The following SLC25A25 variants were observed in gnomAD, a reference collection of about 807,000 sequenced individuals.
SLC25A25 encodes the protein solute carrier family 25 member 25, also known as mitochondrial adenyl nucleotide antiporter SLC25A25.
In SLC25A25, 32 loss-of-function variants were observed where a neutral mutation model predicts 57.7. That is an observed-to-expected ratio of 0.55 (90% CI 0.42 to 0.74). The LOEUF is 0.74. Among genes scored for constraint, SLC25A25 ranks in the 30% least tolerant of loss-of-function variants. The pLI, the probability that SLC25A25 is intolerant of heterozygous loss-of-function variation, is 0.00. For missense variants in SLC25A25, 556 were observed against 701.3 expected (o/e 0.79, Z 2.34); for synonymous variants, 306 against 291.2 (o/e 1.05, Z -0.52).
chr9:128,084,965 A>G (rs1193557837), intron 1 of SLC25A25, among the ~76,000 whole-genome samples: 5 of 152,204 alleles, frequency 3.3e-5, no homozygotes, highest in African/African-American at 7.2e-5. Flanking sequence ...CAAGAAAGCT[A>G]CATGTGAAAG....
rs978689726 is a variant in SLC25A25, at chr9:128,068,263, A to G, written c.-57A>G. ...CGCCTGGCTTGCCTCCCGCGCGGTCACCGCCGGCCCGCCGCCCCCGCTCCC... is the reference window on the plus strand; with the variant it reads ...CGCCTGGCTTGCCTCCCGCGCGGTCGCCGCCGGCCCGCCGCCCCCGCTCCC... On this transcript the variant is annotated 5_prime_UTR_variant, in exon 1 of 11. Transcript: ENST00000373069. The G allele has an allele frequency of 1.5e-5, 16 of 1,079,364 alleles. No individual in the cohort carries two copies. The highest frequency in any genetic ancestry group is 3.4e-4 in the Middle Eastern group (1 of 2,910). 66.9% of individuals were successfully genotyped at this position (1,079,364 alleles called of 1,614,324 possible).
chr9:128,074,197 G>A (rs1445781200), intron 1 of SLC25A25, among the ~76,000 whole-genome samples: 1 of 151,796 alleles, frequency 6.6e-6, no homozygotes, highest in African/African-American at 2.4e-5. Context: ...ACACCACCAC[G>A]TCAGGCTAAC....
At chr9:128,084,117 C>T (rs868457113) in intron 1 of SLC25A25, among the ~76,000 whole-genome samples, 2 of 152,132 alleles carry the variant, frequency 1.3e-5, no homozygotes, top group South Asian at 4.1e-4. Flanking sequence ...CACCAACCAA[C>T]TGAATGGACC....
At chr9:128,073,310 C>T (rs1232381424) in intron 1 of SLC25A25, among the ~76,000 whole-genome samples, 5 of 152,278 alleles carry the variant, frequency 3.3e-5, no homozygotes, top group African/African-American at 1.2e-4. Context: ...ACATATTTTG[C>T]TCCCAAAGTA....
chr9:128,071,748 G>C (rs369059172), intron 1 of SLC25A25, among the ~76,000 whole-genome samples: 6 of 151,104 alleles, frequency 4.0e-5, no homozygotes, highest in Non-Finnish European at 5.9e-5. Context: ...GAAGCAGTCC[G>C]CTCTGTCGCC....
In SLC25A25 at chr9:128,108,553, A is replaced by G. The variant is rs935566043; in HGVS notation, c.*1109A>G. 1.1e-5 allele frequency: 3 copies of G among 273,962 alleles called. No homozygotes were observed. Among genetic ancestry groups the G allele is most frequent in the African/African-American group, 4.4e-5 (2 of 45,896 alleles). 17.0% of individuals were successfully genotyped at this position (273,962 alleles called of 1,614,324 possible). A position where few individuals can be genotyped will look rare whatever the true frequency, so the allele number is the denominator to read the frequency against. On this transcript the variant is annotated 3_prime_UTR_variant, in exon 11 of 11. Transcript: ENST00000373069. ...ATTTGAACAGAGTTATGTCCTAACT[A>G]TTTTTATAGATTTGTTTAATTAATA...
Position 128,103,988 on chromosome 9 carries a change from A to G in SLC25A25, c.783+149A>G. On this transcript the variant is annotated intron_variant, in intron 6 of 10. Transcript: ENST00000373069. This position sits in a 1 kb window ranked among gnomAD's most constrained non-coding sequence, Gnocchi z 6.7. The stretch of plus-strand genomic sequence containing the variant: ...ATTAGACTAGAATTATTGCTCAGAC[A>G]GGGGGTACCAAAATGTCACTGTAGG... 1.3e-6 allele frequency: 1 copy of G among 797,492 alleles called. No individual in the cohort carries two copies. Among genetic ancestry groups the G allele is most frequent in the Admixed American group, 3.3e-5 (1 of 30,640 alleles). 49.4% of individuals were successfully genotyped at this position (797,492 alleles called of 1,614,324 possible). A position where few individuals can be genotyped will look rare whatever the true frequency, so the allele number is the denominator to read the frequency against.
At chr9:128,092,197 G>A (rs1186272522) in intron 1 of SLC25A25, 4 of 1,384,326 alleles carry the variant, frequency 2.9e-6, no homozygotes, top group Non-Finnish European at 3.9e-6. Context: ...ACGTTAGTTC[G>A]GGGTTCAGGG....
intron 1 of SLC25A25, among the ~76,000 whole-genome samples, chr9:128,078,848 C>T (rs1401611225): frequency 2.6e-5 from 4 of 152,188 alleles, no homozygotes; most frequent in East Asian, 1.9e-4. Flanking sequence ...AATGCAGTGC[C>T]GCCTTCCTTC....
Position 128,105,474 on chromosome 9 carries a change from AT to A in SLC25A25, c.784-245del, listed in dbSNP as rs35096098. Among the ~76,000 whole-genome samples, 769 of 150,720 alleles carry A rather than the reference AT, an allele frequency of 5.1e-3. 6 individuals carry two copies. The highest frequency in any genetic ancestry group is 0.017 in the African/African-American group (707 of 41,182). ...GCATGAGCCACCGCGCCCAGCCTTGATTTTTTTTTTAAGTCATCTTTATGGA... is the reference window on the plus strand; with the variant it reads ...GCATGAGCCACCGCGCCCAGCCTTGATTTTTTTTTAAGTCATCTTTATGGA... On this transcript the variant is annotated intron_variant, in intron 6 of 10. Coordinates refer to ENST00000373069, the MANE Select transcript of SLC25A25 (RefSeq NM_001330988.2).
At chr9:128,093,969 G>A (rs1381872523) in intron 1 of SLC25A25, among the ~76,000 whole-genome samples, 1 of 152,168 alleles carries the variant, frequency 6.6e-6, no homozygotes, top group African/African-American at 2.4e-5. Flanking sequence ...CCAATATGGT[G>A]AAACCCCGTC....
rs1735778125 is a variant in SLC25A25 at position 128,101,913 on chromosome 9, G to C, written c.477-167G>C. On this transcript the variant is annotated intron_variant, in intron 3 of 10. Coordinates refer to ENST00000373069, the MANE Select transcript of SLC25A25 (RefSeq NM_001330988.2). The surrounding 1 kb of genome is among the most constrained non-coding windows in gnomAD (Gnocchi z 4.9). ...CCGGAAACCCTGCGGTCTGAACACT[G>C]GCTGGTCCTCGGGGACAGCAGCCCT... 6.6e-6 allele frequency among the ~76,000 whole-genome samples: 1 copy of C among 152,212 alleles called. No individual in the cohort carries two copies. Among genetic ancestry groups the C allele is most frequent in the Non-Finnish European group, 1.5e-5 (1 of 68,038 alleles).
chr9:128,083,236 A>T (rs28673895), intron 1 of SLC25A25, among the ~76,000 whole-genome samples: 21,228 of 142,592 alleles, frequency 0.15, 1,768 homozygotes, highest in South Asian at 0.23. Context: ...TCAAAAAAAA[A>T]AAATAAATAA....
intron 1 of SLC25A25, among the ~76,000 whole-genome samples, chr9:128,096,512 AAATAAT>A (rs60386134): frequency 0.12 from 19,015 of 152,134 alleles, 1,291 homozygotes; most frequent in South Asian, 0.22. Context: ...TCTGTCTCAA[AAATAAT>A]AATAATAATG....
At chr9:128,071,839 G>A (rs997786979) in intron 1 of SLC25A25, among the ~76,000 whole-genome samples, 2 of 151,732 alleles carry the variant, frequency 1.3e-5, no homozygotes, top group Non-Finnish European at 2.9e-5. Flanking sequence ...AGCTTCCTGA[G>A]TAGCTGGGAT....
chr9:128,075,143 A>G (rs1351455928), intron 1 of SLC25A25, among the ~76,000 whole-genome samples: 3 of 151,894 alleles, frequency 2.0e-5, no homozygotes, highest in Admixed American at 2.0e-4. Context: ...TCTCAACAAC[A>G]ACAACAACAA....
At chr9:128,088,415 G>A (rs1367153959) in intron 1 of SLC25A25, among the ~76,000 whole-genome samples, 1 of 152,156 alleles carries the variant, frequency 6.6e-6, no homozygotes, top group African/African-American at 2.4e-5. Context: ...CACTCCCTGT[G>A]CAGCTCTCTC....
intron 1 of SLC25A25, among the ~76,000 whole-genome samples, chr9:128,098,057 T>G (rs1268053496): frequency 6.6e-6 from 1 of 152,256 alleles, no homozygotes; most frequent in Non-Finnish European, 1.5e-5. Context: ...TGGGCCCGTT[T>G]GCAGTGGCAA....
intron 1 of SLC25A25, among the ~76,000 whole-genome samples, chr9:128,076,350 C>G (rs1212474134): frequency 6.6e-6 from 1 of 151,894 alleles, no homozygotes; most frequent in Non-Finnish European, 1.5e-5. Context: ...AGGCTGGTCT[C>G]GAACTCCTGA....
Sources: allele counts gnomAD v4.1 joint callset (sites outside exome capture counted in the v4.1 genomes callset), GRCh38; gene constraint gnomAD v4.1.1; non-coding constraint Gnocchi (gnomAD v3.1); transcripts MANE v1.5; gene names NCBI Gene and HGNC (gene_info 2026-07-23, HGNC 2026-07-21).